The following NR2C2 variants were observed in gnomAD, a reference collection of about 807,000 sequenced individuals.
NR2C2 encodes the protein nuclear receptor subfamily 2 group C member 2.
A neutral mutation model predicts 62.9 loss-of-function variants in NR2C2; 6 were observed. That is an observed-to-expected ratio of 0.10 (90% CI 0.05 to 0.19). NR2C2 has a LOEUF of 0.19. Ranked by LOEUF, NR2C2 falls within the 10% of genes least tolerant of loss-of-function variation. The probability of loss-of-function intolerance (pLI) is 1.00; values close to 1 mark genes in which losing one functional copy is unlikely to be tolerated. For synonymous variants in NR2C2, 272 were observed against 273.8 expected (o/e 0.99, Z 0.07); for missense variants, 479 against 762.7 (o/e 0.63, Z 4.38).
chr3:14,948,521 C>T (rs2039218429), intron 1 of NR2C2: 3 of 151,868 alleles, frequency 2.0e-5, no homozygotes, highest in South Asian at 1.9e-4. Context: ...AGAGGGTGGT[C>T]CTTATGGGGC....
chr3:15,032,639 A>G lies in NR2C2; in HGVS notation c.1232+139A>G, dbSNP rs990627535. The G allele has an allele frequency of 9.1e-6, 9 of 991,912 alleles. No individual in the cohort carries two copies. In the Admixed American group the frequency reaches 2.3e-4, roughly 25 times the overall value. 61.4% of individuals were successfully genotyped at this position (991,912 alleles called of 1,614,324 possible). ...CAAAGGACCCTGAGTTTTTTATTAA[A>G]TATAGTTAGTGGACTGGTAGCAGGA... On this transcript the variant is annotated intron_variant, in intron 10 of 13. Coordinates refer to ENST00000425241, the MANE Select transcript of NR2C2 (RefSeq NM_001291694.2).
At chr3:14,953,670 C>T (rs552831136) in intron 1 of NR2C2, among the ~76,000 whole-genome samples, 4 of 152,044 alleles carry the variant, frequency 2.6e-5, no homozygotes, top group Non-Finnish European at 4.4e-5. Flanking sequence ...CCAAGGCAGG[C>T]GGATCATGAG....
chr3:14,962,831 A>T (rs548598698), intron 1 of NR2C2, among the ~76,000 whole-genome samples: 19 of 152,268 alleles, frequency 1.2e-4, no homozygotes, highest in African/African-American at 4.6e-4. Context: ...CGTTAATATT[A>T]TGGAATAGTA....
chr3:15,036,864 G>A (rs577147378), intron 11 of NR2C2, among the ~76,000 whole-genome samples: 1 of 152,336 alleles, frequency 6.6e-6, no homozygotes, highest in African/African-American at 2.4e-5. Context: ...GCTTACGCCT[G>A]TAATCCCAGC....
chr3:14,956,244 A>C (rs191418473), intron 1 of NR2C2, among the ~76,000 whole-genome samples: 7 of 152,322 alleles, frequency 4.6e-5, no homozygotes, highest in Admixed American at 3.9e-4. Context: ...CTATGATTGC[A>C]AGTTTCAAGC....
intron 2 of NR2C2, among the ~76,000 whole-genome samples, chr3:15,007,570 A>G (rs908705894): frequency 3.3e-5 from 5 of 152,152 alleles, no homozygotes; most frequent in African/African-American, 1.2e-4. Flanking sequence ...CTTCCATTGA[A>G]CTAAAAGTTT....
chr3:14,965,924 C>G (rs958617113), intron 1 of NR2C2, among the ~76,000 whole-genome samples: 2 of 152,182 alleles, frequency 1.3e-5, no homozygotes, highest in East Asian at 1.9e-4. Flanking sequence ...CTGCCTCAGC[C>G]TCCCAAAGTG....
At chr3:15,017,564 C>A (rs1491004381) in intron 4 of NR2C2, among the ~76,000 whole-genome samples, 1 of 152,148 alleles carries the variant, frequency 6.6e-6, no homozygotes, top group Non-Finnish European at 1.5e-5. Context: ...ATAGAATCTG[C>A]TTGGCTTCCC....
At chr3:15,032,643 A>G in intron 10 of NR2C2, 143 bp downstream of exon 10, 1 of 948,778 alleles carries the variant, frequency 1.1e-6, no homozygotes, top group Non-Finnish European at 1.6e-6. Context: ...TATTAAATAT[A>G]GTTAGTGGAC....
chr3:15,025,276 G>A (rs542903085), intron 7 of NR2C2, among the ~76,000 whole-genome samples: 2 of 152,366 alleles, frequency 1.3e-5, no homozygotes, highest in South Asian at 4.1e-4. Context: ...GACTGGGAAT[G>A]AGAACCAAGA....
intron 13 of NR2C2, among the ~76,000 whole-genome samples, chr3:15,041,274 T>A (rs113573334): frequency 2.9e-4 from 44 of 152,334 alleles, no homozygotes; most frequent in Non-Finnish European, 5.6e-4. Flanking sequence ...ATATTGATTA[T>A]TCCTCCTGAA....
chr3:15,000,814 G>GTTTTTT, intron 1 of NR2C2, among the ~76,000 whole-genome samples: 1 of 127,056 alleles, frequency 7.9e-6, no homozygotes, highest in Non-Finnish European at 1.6e-5. Context: ...ATTTATTTAG[G>GTTTTTT]TTTTTTTTTT....
At chr3:15,001,862 C>T in intron 1 of NR2C2, among the ~76,000 whole-genome samples, 1 of 152,118 alleles carries the variant, frequency 6.6e-6, no homozygotes, top group Non-Finnish European at 1.5e-5. Context: ...AAGTGATCCT[C>T]CTACCTCGGT....
In NR2C2 at chr3:15,047,048, GA is replaced by G. The variant is rs1002520906; in HGVS notation, c.*4042del. 2.0e-5 allele frequency: 3 copies of G among 152,638 alleles called. No individual in the cohort carries two copies. Among genetic ancestry groups the G allele is most frequent in the African/African-American group, 7.2e-5 (3 of 41,432 alleles). 9.5% of individuals were successfully genotyped at this position (152,638 alleles called of 1,614,324 possible). On this transcript the variant is annotated 3_prime_UTR_variant, in exon 14 of 14. Transcript: ENST00000425241. ...GTACAGGTTTCTAGGCTGTAAGACT[GA>G]ATGAATGTACATGTGTTTATATCCT...
At chr3:14,976,859 C>CTT (rs2040221469) in intron 1 of NR2C2, among the ~76,000 whole-genome samples, 1 of 152,006 alleles carries the variant, frequency 6.6e-6, no homozygotes, top group Admixed American at 6.6e-5. Context: ...ACTGTCATTC[C>CTT]TTATCTACAT....
chr3:15,007,765 T>C (rs527919535), intron 2 of NR2C2, among the ~76,000 whole-genome samples: 2 of 151,782 alleles, frequency 1.3e-5, no homozygotes, highest in Admixed American at 6.6e-5. Context: ...AGGAAAGGAG[T>C]ATGTGAGAGC....
chr3:15,037,815 C>T (rs192546350), intron 11 of NR2C2, among the ~76,000 whole-genome samples, 185 bp from the exon 12 acceptor site: 1 of 152,298 alleles, frequency 6.6e-6, no homozygotes, highest in African/African-American at 2.4e-5. Context: ...CATATTGGAG[C>T]AGAATTTGGG....
At chr3:15,033,404 A>T (rs1419567751) in intron 10 of NR2C2, among the ~76,000 whole-genome samples, 2 of 152,102 alleles carry the variant, frequency 1.3e-5, no homozygotes, top group Non-Finnish European at 2.9e-5. Context: ...CATGCAAGGG[A>T]CTCAGCAGAA....
At chr3:15,032,239 C>T (rs2041998600) in intron 9 of NR2C2, 140 bp from the exon 10 acceptor site, 2 of 1,170,860 alleles carry the variant, frequency 1.7e-6, no homozygotes, top group Admixed American at 1.8e-5. Flanking sequence ...GTGCAAGCCC[C>T]CCGACTGCAT....
Sources: allele counts gnomAD v4.1 joint callset (sites outside exome capture counted in the v4.1 genomes callset), GRCh38; gene constraint gnomAD v4.1.1; transcripts MANE v1.5; gene names NCBI Gene and HGNC (gene_info 2026-07-23, HGNC 2026-07-21).